AAGAB: variants seen among roughly 807,000 people sequenced by gnomAD.
The protein encoded by AAGAB is alpha- and gamma-adaptin-binding protein p34.
Under a neutral mutation model 44.1 loss-of-function variants are expected in AAGAB, and 38 were observed. The ratio of observed to expected loss-of-function variants is 0.86; its 90% CI spans 0.67 to 1.13. The LOEUF is 1.13. Among genes scored for constraint, AAGAB ranks in the 50% most tolerant of loss-of-function variants. The probability of loss-of-function intolerance (pLI) is 0.00; values close to 1 mark genes in which losing one functional copy is unlikely to be tolerated. For synonymous variants in AAGAB, 131 were observed against 131.8 expected (o/e 0.99, Z 0.04); for missense variants, 450 against 373.8 (o/e 1.20, Z -1.68).
At chr15:67,218,846 G>A (rs8026514) in intron 5 of AAGAB, among the ~76,000 whole-genome samples, 152,328 of 152,360 alleles carry the variant, frequency 1, 76,148 homozygotes, top group Middle Eastern at 1. Flanking sequence ...AGCAGCTGAG[G>A]TTTTATCTAC....
Position 67,224,030 on chromosome 15 carries a change from C to A in AAGAB, c.535+7784G>T, listed in dbSNP as rs1490015205. On this transcript the variant is annotated intron_variant, in intron 5 of 9. Transcript: ENST00000261880. ...GCAATCTACAAAGCAATCTCAATGT[C>A]CCTAACTCTGCTTTATTATTTTCCC... Among the ~76,000 whole-genome samples the A allele has an allele frequency of 2.0e-5, 3 of 152,194 alleles. No homozygotes were observed. The South Asian group carries it at 6.2e-4, about 32-fold the overall frequency.
intron 4 of AAGAB, chr15:67,232,373 G>T: frequency 5.4e-6 from 1 of 184,108 alleles, no homozygotes; most frequent in Non-Finnish European, 1.1e-5. Flanking sequence ...CAAATACAGA[G>T]CTTGGAGCTC....
intron 5 of AAGAB, among the ~76,000 whole-genome samples, chr15:67,222,226 G>GTGCA (rs1555417832): frequency 2.1e-5 from 2 of 95,072 alleles, no homozygotes; most frequent in Non-Finnish European, 4.3e-5. Context: ...ATGCATGCAC[G>GTGCA]CGCACGCGCG....
chr15:67,246,579 C>T (rs1964727813), intron 1 of AAGAB, among the ~76,000 whole-genome samples: 1 of 152,116 alleles, frequency 6.6e-6, no homozygotes, highest in Non-Finnish European at 1.5e-5. Context: ...GAGATGAAGC[C>T]TGCTAGACTT....
Position 67,207,765 on chromosome 15 carries a change from A to C in AAGAB, c.715+797T>G, listed in dbSNP as rs561962518. Among the ~76,000 whole-genome samples the C allele has an allele frequency of 6.6e-5, 10 of 152,340 alleles. 2 individuals are homozygous for C. Among genetic ancestry groups the C allele is most frequent in the African/African-American group, 2.4e-4 (10 of 41,578 alleles). ...GATTACTAGTTTGTTTTAATGGCAGAGACTCTGGCAGGTTTAAAAGCCAAT... is the reference window on the plus strand; with the variant it reads ...GATTACTAGTTTGTTTTAATGGCAGCGACTCTGGCAGGTTTAAAAGCCAAT... On this transcript the variant is annotated intron_variant, in intron 7 of 9. Transcript: ENST00000261880.
At chr15:67,208,514 T>C in intron 7 of AAGAB, 48 bp downstream of exon 7, 1 of 1,546,538 alleles carries the variant, frequency 6.5e-7, no homozygotes, top group African/African-American at 1.4e-5. Flanking sequence ...CAGATACCTA[T>C]TCCAAGTTGC....
At chr15:67,225,002 T>G (rs1964170147) in intron 5 of AAGAB, among the ~76,000 whole-genome samples, 1 of 152,220 alleles carries the variant, frequency 6.6e-6, no homozygotes, top group African/African-American at 2.4e-5. Context: ...CTCTTACAAG[T>G]TAGAACTAGA....
chr15:67,240,382 C>A (rs1006570956), intron 1 of AAGAB, among the ~76,000 whole-genome samples: 26 of 152,132 alleles, frequency 1.7e-4, no homozygotes, highest in African/African-American at 6.0e-4. Flanking sequence ...AAATCAAGAG[C>A]AGCTTTCCCC....
chr15:67,244,950 T>C (rs540214987), intron 1 of AAGAB, among the ~76,000 whole-genome samples: 9 of 152,142 alleles, frequency 5.9e-5, no homozygotes, highest in Non-Finnish European at 1.2e-4. Flanking sequence ...AAAACCACAA[T>C]GAGATACTAC....
At chr15:67,246,384 C>A (rs989703546) in intron 1 of AAGAB, among the ~76,000 whole-genome samples, 3 of 139,484 alleles carry the variant, frequency 2.2e-5, no homozygotes, top group African/African-American at 8.6e-5. Context: ...AGAGGAAGAT[C>A]CTGTCTCAAA....
intron 5 of AAGAB, among the ~76,000 whole-genome samples, chr15:67,211,037 A>G (rs187997033): frequency 3.5e-4 from 53 of 152,280 alleles, no homozygotes; most frequent in African/African-American, 1.2e-3. Context: ...TCATACAGAG[A>G]TATCAAAAGA....
Position 67,206,711 on chromosome 15 carries a change from C to T in AAGAB, c.715+1851G>A, listed in dbSNP as rs192286221. Among the ~76,000 whole-genome samples the T allele has an allele frequency of 1.8e-4, 28 of 152,322 alleles. No individual in the cohort carries two copies. In the East Asian group the frequency reaches 4.2e-3, roughly 23 times the overall value. ...TTGTTCCAGATTTAGCCACTGGAAG[C>T]TCTTTCAGGTTGGTCCCTATGCCCT... On this transcript the variant is annotated intron_variant, in intron 7 of 9. Transcript: ENST00000261880.
intron 8 of AAGAB, 62 bp from the exon 9 acceptor site, chr15:67,203,659 A>G: frequency 1.4e-6 from 2 of 1,386,212 alleles, no homozygotes; most frequent in South Asian, 2.3e-5. Flanking sequence ...GGAGTATATG[A>G]ATAACACTAG....
chr15:67,205,650 C>T (rs996186901), intron 7 of AAGAB, among the ~76,000 whole-genome samples: 3 of 152,114 alleles, frequency 2.0e-5, no homozygotes, highest in African/African-American at 7.2e-5. Context: ...AATGCTGCCA[C>T]GAGGTCAAGA....
Position 67,209,827 on chromosome 15 carries a change from T to A in AAGAB, c.536-283A>T, listed in dbSNP as rs187024343. ...GCCACTGTGCCTGGCTATTTTTTTT[T>A]AAAATTATTTCTTGTTTTTTGTAGA... On this transcript the variant is annotated intron_variant, in intron 5 of 9. Transcript: ENST00000261880. 5.0e-3 allele frequency among the ~76,000 whole-genome samples: 757 copies of A among 152,134 alleles called. 3 individuals are homozygous for A. Among genetic ancestry groups the A allele is most frequent in the Non-Finnish European group, 7.6e-3 (519 of 67,984 alleles).
rs577054761 is a variant in AAGAB, at chr15:67,209,776, C to T, written c.536-232G>A. 2.6e-5 allele frequency among the ~76,000 whole-genome samples: 4 copies of T among 152,286 alleles called. No homozygotes were observed. The East Asian group carries it at 5.8e-4, about 22-fold the overall frequency. ...CAAGTGATCCTCCTTCCTCAGCCTC[C>T]TGAGTAGGTGGGAATACAGGTGCCT... is the stretch of plus-strand genomic sequence containing the variant. On this transcript the variant is annotated intron_variant, in intron 5 of 9. Coordinates refer to ENST00000261880, the MANE Select transcript of AAGAB (RefSeq NM_024666.5).
chr15:67,232,624 C>G, intron 4 of AAGAB: 1 of 356,732 alleles, frequency 2.8e-6, no homozygotes, highest in Non-Finnish European at 5.7e-6. Context: ...GAGTTCAGAA[C>G]TCATTTTGGT....
intron 5 of AAGAB, among the ~76,000 whole-genome samples, chr15:67,213,914 C>G (rs1305175412): frequency 6.6e-6 from 1 of 152,146 alleles, no homozygotes; most frequent in Non-Finnish European, 1.5e-5. Context: ...ATTGTATTAT[C>G]CTCTTTTACA....
rs769444076 is a variant in AAGAB, at chr15:67,208,576, A to G, written c.701T>C (p.Val234Ala). The change falls in exon 7 of 10, where the codon GTT becomes GCT. Residue 234 changes from valine (V) to alanine (A), a missense_variant. By Grantham distance (64) the Val-to-Ala change is moderately conservative. Transcript: ENST00000261880. ...GAGGAACTTACCCACAATGCTATCA[A>G]CCTGGGCATCTGTTGTGTTAGATGC... The part of the protein sequence containing the change: ...GGASNTTDAQ[V>A]DSIVDPMLDL... 5.0e-6 allele frequency: 8 copies of G among 1,613,966 alleles called. No individual in the cohort carries two copies. The highest frequency in any genetic ancestry group is 2.2e-5 in the East Asian group (1 of 44,888).
Sources: gnomAD v4.1 joint callset for allele counts (sites outside exome capture counted in the v4.1 genomes callset) on GRCh38, gnomAD v4.1.1 for gene constraint, MANE v1.5 for transcripts, NCBI Gene and HGNC (gene_info 2026-07-23, HGNC 2026-07-21) for gene names.